INTS13: variants seen among roughly 807,000 people sequenced by gnomAD.
INTS13 encodes the protein integrator complex subunit 13, also known as asunder, spermatogenesis regulator homolog (Drosphila).
INTS13 carries 35 observed loss-of-function variants against 90.2 expected under a neutral mutation model. The observed-to-expected ratio is 0.39, with a 90% CI of 0.30 to 0.51. INTS13 has a LOEUF of 0.51. Among genes scored for constraint, INTS13 ranks in the 20% least tolerant of loss-of-function variants. The pLI, the probability that INTS13 is intolerant of heterozygous loss-of-function variation, is 0.80. For missense variants in INTS13, 601 were observed against 851.2 expected (o/e 0.71, Z 3.66); for synonymous variants, 309 against 277.1 (o/e 1.11, Z -1.14).
At chr12:26,931,117 G>A (rs1202837656) in intron 3 of INTS13, among the ~76,000 whole-genome samples, 3 of 150,888 alleles carry the variant, frequency 2.0e-5, no homozygotes, top group African/African-American at 7.3e-5. Flanking sequence ...TAACCTCGGA[G>A]AACAATAAAA....
In INTS13 at chr12:26,914,443, T is replaced by C. The variant is rs950330923; in HGVS notation, c.1384A>G (p.Ile462Val). 8 of 1,613,800 alleles carry C rather than the reference T, an allele frequency of 5.0e-6. No homozygotes were observed. In the African/African-American group the frequency reaches 9.3e-5, roughly 19 times the overall value. Residue 462 changes from isoleucine (I) to valine (V), a missense_variant, in exon 12 of 17, where the codon ATC becomes GTC. Ile to Val is a conservative substitution (Grantham distance 29). Transcript: ENST00000261191. Reference protein sequence around the residue: ...LEKHTRYWPMIISQTTIFNMQ... With the variant: ...LEKHTRYWPMVISQTTIFNMQ... ...TTAAAAATGGTGGTTTGTGAAATGA[T>C]CATAGGCCAGTAACGGGTATGTTTT...
intron 12 of INTS13, 127 bp downstream of exon 12, chr12:26,914,281 A>C: frequency 8.3e-7 from 1 of 1,199,896 alleles, no homozygotes; most frequent in Non-Finnish European, 1.1e-6. Flanking sequence ...TTAATTCTTT[A>C]ACTTTAGCAA....
chr12:26,928,249 C>T lies in INTS13; in HGVS notation c.540G>A (p.Gln180=), dbSNP rs1937994732. The T allele has an allele frequency of 6.2e-7, 1 of 1,609,910 alleles. No homozygotes were observed. ...SHVRMLEDCV[Q]ETIHEHNKLA... is the part of the protein sequence containing the mutation. ...GCTTGTTATGTTCATGAATCGTTTC[C>T]TGGACACAGTCTTCAAGCATTCGCA... The change falls in exon 5 of 17, where the codon CAG becomes CAA. Residue 180 remains glutamine, a synonymous_variant. Transcript: ENST00000261191.
rs554389282 is a variant in INTS13, at chr12:26,917,332, C to T, written c.1069+20G>A. 3.1e-6 allele frequency: 3 copies of T among 981,628 alleles called. No individual in the cohort carries two copies. The highest frequency in any genetic ancestry group is 3.3e-5 in the African/African-American group (2 of 60,224). 60.8% of individuals were successfully genotyped at this position (981,628 alleles called of 1,614,324 possible). A position where few individuals can be genotyped will look rare whatever the true frequency, so the allele number is the denominator to read the frequency against. The stretch of plus-strand genomic sequence containing the variant: ...TAATATAAATAATTTCAGTCAAAAC[C>T]ATTAAATAATTAAAGTTACCATTTA... On this transcript the variant is annotated intron_variant, in intron 10 of 16. Coordinates refer to ENST00000261191, the MANE Select transcript of INTS13 (RefSeq NM_018164.3).
chr12:26,913,623 A>C lies in INTS13; in HGVS notation c.1639T>G (p.Ser547Ala). The C allele has an allele frequency of 6.2e-7, 1 of 1,614,034 alleles. No individual in the cohort carries two copies. The highest frequency in any genetic ancestry group is 8.5e-7 in the Non-Finnish European group (1 of 1,180,004). Reference sequence around the variant, plus strand: ...TCCAAGACTCTTTGATGTTTCTCTGAGTTGTTGATATGGGCTCTGACAAGG... The same window carrying C: ...TCCAAGACTCTTTGATGTTTCTCTGCGTTGTTGATATGGGCTCTGACAAGG... The part of the protein sequence containing the change: ...ETLVRAHINN[S>A]EKHQRVLECL... The change falls in exon 14 of 17, where the codon TCA (serine) becomes GCA (alanine). Residue 547 changes from serine to alanine, a missense_variant. Physicochemically the swap from Ser to Ala is moderately conservative, Grantham distance 99. This residue lies in a region of INTS13 where 228 missense variants were observed against 272.5 expected (regional missense o/e 0.84). Transcript: ENST00000261191.
chr12:26,921,546 TAGTC>T (rs1218800808), intron 8 of INTS13, among the ~76,000 whole-genome samples: 1 of 152,232 alleles, frequency 6.6e-6, no homozygotes, highest in Non-Finnish European at 1.5e-5. Flanking sequence ...AGGGATGAAC[TAGTC>T]AGTCTGGTTT....
chr12:26,907,945 A>C (rs1951657748), intron 15 of INTS13, among the ~76,000 whole-genome samples: 1 of 152,218 alleles, frequency 6.6e-6, no homozygotes, highest in Admixed American at 6.5e-5. Context: ...CAGCAACTGG[A>C]CAAGGATGCA....
At chr12:26,934,482 T>C (rs941689704) in intron 3 of INTS13, 74 bp downstream of exon 3, 1 of 1,081,844 alleles carries the variant, frequency 9.2e-7, no homozygotes, top group Admixed American at 2.0e-5. Context: ...ATTTAAAAAA[T>C]TAGTCATTTT....
At chr12:26,931,811 GC>G (rs141057471) in intron 3 of INTS13, among the ~76,000 whole-genome samples, 15,488 of 152,248 alleles carry the variant, frequency 0.1, 1,061 homozygotes, top group East Asian at 0.16. Context: ...CCCGGGCTGT[GC>G]GTGGTGGCTC....
At chr12:26,910,597 T>C (rs1043461005) in intron 15 of INTS13, among the ~76,000 whole-genome samples, 1 of 152,194 alleles carries the variant, frequency 6.6e-6, no homozygotes, top group Non-Finnish European at 1.5e-5. Context: ...CTTCTCCTTC[T>C]GCCATGCCTG....
chr12:26,910,734 G>A (rs1350317891), intron 15 of INTS13, among the ~76,000 whole-genome samples: 2 of 152,136 alleles, frequency 1.3e-5, no homozygotes, highest in East Asian at 3.8e-4. Context: ...AATACAGGTT[G>A]TAAACAGAGA....
intron 15 of INTS13, among the ~76,000 whole-genome samples, chr12:26,910,603 G>C (rs1319088482): frequency 6.6e-6 from 1 of 152,140 alleles, no homozygotes; most frequent in Non-Finnish European, 1.5e-5. Context: ...CTTCTGCCAT[G>C]CCTGTAAGTT....
chr12:26,905,565 T>C (rs1302023700), intron 16 of INTS13, 29 bp from the exon 17 acceptor site: 2 of 1,592,586 alleles, frequency 1.3e-6, no homozygotes, highest in African/African-American at 1.3e-5. Context: ...AACGAGTTGA[T>C]AAAATAAATA....
intron 5 of INTS13, among the ~76,000 whole-genome samples, chr12:26,926,712 T>G (rs1937895528): frequency 6.6e-6 from 1 of 152,224 alleles, no homozygotes; most frequent in Admixed American, 6.5e-5. Context: ...GAGCATCTTT[T>G]GCTCTAATAT....
intron 3 of INTS13, among the ~76,000 whole-genome samples, chr12:26,932,087 C>CAAAAAAAAAAAA (rs34658630): frequency 1.3e-5 from 1 of 78,942 alleles, no homozygotes. Flanking sequence ...AACTCAGTCT[C>CAAAAAAAAAAAA]AAAAAAAAAA....
Position 26,914,588 on chromosome 12 carries a change from A to G in INTS13, c.1249-10T>C. On this transcript the variant is annotated splice_polypyrimidine_tract_variant and intron_variant, in intron 11 of 16. Coordinates refer to ENST00000261191, the MANE Select transcript of INTS13 (RefSeq NM_018164.3). ...TAAATTCACCAAAATCCTAATGATA[A>G]CCAAATAAGATAAAATTAGAAACTA... The G allele has an allele frequency of 6.3e-7, 1 of 1,592,772 alleles. No individual in the cohort carries two copies.
chr12:26,909,713 T>G (rs527486602), intron 15 of INTS13, among the ~76,000 whole-genome samples: 2 of 152,352 alleles, frequency 1.3e-5, no homozygotes, highest in African/African-American at 4.8e-5. Flanking sequence ...TATTATTTTC[T>G]GGGCCCTCTA....
At chr12:26,930,074 A>G (rs1368054997) in intron 3 of INTS13, among the ~76,000 whole-genome samples, 1 of 152,200 alleles carries the variant, frequency 6.6e-6, no homozygotes, top group Non-Finnish European at 1.5e-5. Flanking sequence ...TTAAAACAGC[A>G]TCAAAAATAA....
intron 5 of INTS13, among the ~76,000 whole-genome samples, 199 bp from the exon 6 acceptor site, chr12:26,926,050 T>C (rs1213779544): frequency 6.6e-6 from 1 of 152,122 alleles, no homozygotes; most frequent in Non-Finnish European, 1.5e-5. Flanking sequence ...GTATACAAAT[T>C]TAATTTAAAT....
Sources: gnomAD v4.1 joint callset for allele counts (sites outside exome capture counted in the v4.1 genomes callset) on GRCh38, gnomAD v4.1.1 for gene constraint, gnomAD v4.1.1 regional missense constraint, MANE v1.5 for transcripts, NCBI Gene and HGNC (gene_info 2026-07-23, HGNC 2026-07-21) for gene names.